Variants in ACYP2 observed in about 807,000 individuals in gnomAD.
ACYP2 encodes the protein acylphosphatase-2.
In ACYP2, 12 loss-of-function variants were observed where a neutral mutation model predicts 11.2. That is an observed-to-expected ratio of 1.08 (90% CI 0.69 to 1.74). The LOEUF (loss-of-function observed/expected upper bound fraction) is 1.74. Among genes scored for constraint, ACYP2 ranks in the 40% most tolerant of loss-of-function variants. The probability of loss-of-function intolerance (pLI) is 0.00; values close to 1 mark genes in which losing one functional copy is unlikely to be tolerated. For missense variants in ACYP2, 134 were observed against 101.9 expected, an observed-to-expected ratio of 1.31 and a Z score of -1.35; for synonymous variants, 43 against 32.2, an observed-to-expected ratio of 1.33 and a Z score of -1.13.
intron 4 of ACYP2, among the ~76,000 whole-genome samples, chr2:54,110,615 G>A (rs2103717293): frequency 6.6e-6 from 1 of 152,262 alleles, no homozygotes; most frequent in South Asian, 2.1e-4. Flanking sequence ...AACTCCCTGT[G>A]TTGTGCAAAA....
chr2:54,102,638 C>CAAAAAAAAAAAA lies in ACYP2; in HGVS notation c.278-32790_278-32779dup, dbSNP rs58842257. On this transcript the variant is annotated intron_variant, in intron 4 of 6. Coordinates refer to ENST00000607452, the MANE Select transcript of ACYP2 (RefSeq NM_001320586.2). ...AAACCCAATTTAAGCTGGCTTAAGC[C>CAAAAAAAAAAAA]AAAAAAAAAAAAAAAAAAAAAAAAA... 9.0e-4 allele frequency among the ~76,000 whole-genome samples: 75 copies of CAAAAAAAAAAAA among 83,320 alleles called. 16 individuals are homozygous for CAAAAAAAAAAAA. Among genetic ancestry groups the CAAAAAAAAAAAA allele is most frequent in the Admixed American group, 1.4e-3 (10 of 6,946 alleles). 54.7% of individuals were successfully genotyped at this position (83,320 alleles called of 152,430 possible). A position where few individuals can be genotyped will look rare whatever the true frequency, so the allele number is the denominator to read the frequency against.
At chr2:54,273,615 C>T (rs1688412612) in intron 6 of ACYP2, among the ~76,000 whole-genome samples, 1 of 152,140 alleles carries the variant, frequency 6.6e-6, no homozygotes, top group Non-Finnish European at 1.5e-5. Context: ...CAGGTGCCCA[C>T]CACTACGCCC....
chr2:54,086,888 C>G (rs113947589), intron 4 of ACYP2, among the ~76,000 whole-genome samples: 1 of 152,182 alleles, frequency 6.6e-6, no homozygotes, highest in African/African-American at 2.4e-5. Flanking sequence ...TCTGGGAAGT[C>G]CCACAAAAAG....
At chr2:54,278,397 T>C (rs1437762624) in intron 6 of ACYP2, among the ~76,000 whole-genome samples, 1 of 152,244 alleles carries the variant, frequency 6.6e-6, no homozygotes, top group Non-Finnish European at 1.5e-5. Flanking sequence ...CAGGGTTACA[T>C]CTTTTAGCAA....
intron 6 of ACYP2, among the ~76,000 whole-genome samples, chr2:54,210,045 G>A (rs184042308): frequency 6.6e-5 from 10 of 151,232 alleles, no homozygotes; most frequent in African/African-American, 1.9e-4. Flanking sequence ...GGAGGCTGAG[G>A]CAGGAGAATT....
chr2:54,087,258 T>C (rs1003006604), intron 4 of ACYP2, among the ~76,000 whole-genome samples: 2 of 152,238 alleles, frequency 1.3e-5, no homozygotes, highest in Non-Finnish European at 2.9e-5. Context: ...GACAAATATC[T>C]GTTTTAGAAA....
intron 6 of ACYP2, among the ~76,000 whole-genome samples, chr2:54,301,394 C>G (rs72901535): frequency 0.041 from 6,307 of 152,204 alleles, 455 homozygotes; most frequent in African/African-American, 0.15. Context: ...ATTCCCTTCT[C>G]CCTTTATATA....
chr2:54,276,466 C>T (rs1247060611), intron 6 of ACYP2, among the ~76,000 whole-genome samples: 2 of 152,080 alleles, frequency 1.3e-5, no homozygotes, highest in East Asian at 1.9e-4. Context: ...AGACTCAATA[C>T]CATGGGTAGA....
chr2:54,178,063 T>C (rs13395449), intron 6 of ACYP2, among the ~76,000 whole-genome samples: 16,793 of 151,090 alleles, frequency 0.11, 2,098 homozygotes, highest in African/African-American at 0.31. Flanking sequence ...TGCCATCACA[T>C]CCGGCTAATT....
chr2:54,254,502 T>G (rs1687389339), intron 6 of ACYP2: 1 of 164,540 alleles, frequency 6.1e-6, no homozygotes, highest in Non-Finnish European at 1.3e-5. Context: ...CCAGCAATTG[T>G]CCACAGGCCA....
intron 6 of ACYP2, among the ~76,000 whole-genome samples, chr2:54,290,009 A>G (rs925876102): frequency 1.3e-5 from 2 of 151,992 alleles, no homozygotes; most frequent in Admixed American, 1.3e-4. Context: ...CTGTTCTTCT[A>G]GCGGTTCTTG....
chr2:54,108,083 C>T (rs1328653249), intron 4 of ACYP2, among the ~76,000 whole-genome samples: 1 of 152,166 alleles, frequency 6.6e-6, no homozygotes, highest in Non-Finnish European at 1.5e-5. Flanking sequence ...CCCCACAAGC[C>T]AGTGAACAGT....
intron 2 of ACYP2, among the ~76,000 whole-genome samples, chr2:54,049,848 T>TA (rs1348023072): frequency 3.9e-5 from 6 of 152,238 alleles, no homozygotes; most frequent in African/African-American, 1.4e-4. Context: ...GCACTATACT[T>TA]ACTTTTTGCC....
intron 6 of ACYP2, among the ~76,000 whole-genome samples, chr2:54,241,568 C>G (rs899453019): frequency 1.3e-5 from 2 of 151,944 alleles, no homozygotes; most frequent in Non-Finnish European, 2.9e-5. Context: ...TTTTTTTCTC[C>G]TCCATGAGGT....
In ACYP2 at chr2:54,220,947, T is replaced by C. The variant is rs181598447; in HGVS notation, c.404+82199T>C. Among the ~76,000 whole-genome samples the C allele has an allele frequency of 3.4e-3, 520 of 152,358 alleles. 1 individual carries two copies. Among genetic ancestry groups the C allele is most frequent in the Non-Finnish European group, 4.8e-3 (327 of 68,022 alleles). Reference sequence around the variant, plus strand: ...CATTCATTGTTGGGTACTTTTTGATTACTGTTCAGCCCTATCCCACTGATG... The same window carrying C: ...CATTCATTGTTGGGTACTTTTTGATCACTGTTCAGCCCTATCCCACTGATG... On this transcript the variant is annotated intron_variant, in intron 6 of 6. Transcript: ENST00000607452.
chr2:54,292,161 C>T (rs1689337056), intron 6 of ACYP2, among the ~76,000 whole-genome samples: 2 of 152,116 alleles, frequency 1.3e-5, no homozygotes, highest in Admixed American at 1.3e-4. Flanking sequence ...ACCAGCATGA[C>T]CAGCCACAAA....
chr2:54,091,161 A>G (rs753839461), intron 4 of ACYP2, among the ~76,000 whole-genome samples: 1 of 152,234 alleles, frequency 6.6e-6, no homozygotes, highest in Non-Finnish European at 1.5e-5. Context: ...AAGCAGCTCA[A>G]AGGAGTATTT....
chr2:54,302,875 C>G (rs1287654151), intron 6 of ACYP2, among the ~76,000 whole-genome samples: 1 of 152,208 alleles, frequency 6.6e-6, no homozygotes, highest in Non-Finnish European at 1.5e-5. Context: ...ACTATACCTT[C>G]AAAATATACT....
At chr2:54,219,797 G>GTT (rs1685704057) in intron 6 of ACYP2, among the ~76,000 whole-genome samples, 2 of 146,318 alleles carry the variant, frequency 1.4e-5, no homozygotes, top group Admixed American at 6.8e-5. Context: ...TTTTATGTGT[G>GTT]TGTGTGTGTG....
Sources: gnomAD v4.1 joint callset for allele counts (sites outside exome capture counted in the v4.1 genomes callset) on GRCh38, gnomAD v4.1.1 for gene constraint, MANE v1.5 for transcripts, NCBI Gene and HGNC (gene_info 2026-07-23, HGNC 2026-07-21) for gene names.